The following GSG1 variants were observed in gnomAD, a reference collection of about 807,000 sequenced individuals.
GSG1 encodes the protein germ cell associated 1, also known as germ cell-specific gene 1 protein.
In GSG1, 28 loss-of-function variants were observed where a neutral mutation model predicts 30.8. That is an observed-to-expected ratio of 0.91 (90% CI 0.67 to 1.25). The LOEUF (loss-of-function observed/expected upper bound fraction) is 1.25. GSG1 is among the 50% of genes most tolerant of loss of function. The pLI, the probability that GSG1 is intolerant of heterozygous loss-of-function variation, is 0.00. For missense variants in GSG1, 435 were observed against 444.7 expected, an observed-to-expected ratio of 0.98 and a Z score of 0.20; for synonymous variants, 162 against 178.0, an observed-to-expected ratio of 0.91 and a Z score of 0.71.
chr12:13,095,505 A>G, intron 1 of GSG1: 1 of 1,178,258 alleles, frequency 8.5e-7, no homozygotes, highest in South Asian at 1.2e-5. Context: ...AGGAAGGACA[A>G]CAGATCGATG....
Position 13,084,834 on chromosome 12 carries a change from G to T in GSG1, c.*67C>A. On this transcript the variant is annotated 3_prime_UTR_variant, in exon 7 of 7. Transcript: ENST00000651961. ...GCTCAAGAGACGGATGTTGGCTTAA[G>T]CACATGTTGATAATCAGCAGACGTG... 1 of 1,047,308 alleles carries T rather than the reference G, an allele frequency of 9.5e-7. No homozygotes were observed. Among genetic ancestry groups the T allele is most frequent in the Non-Finnish European group, 1.4e-6 (1 of 720,218 alleles). The allele number at this position is 1,047,308 out of a possible 1,614,324, so 64.9% of individuals were successfully genotyped here.
chr12:13,099,122 C>A (rs893642163), intron 1 of GSG1, among the ~76,000 whole-genome samples: 2 of 152,152 alleles, frequency 1.3e-5, no homozygotes, highest in African/African-American at 4.8e-5. Flanking sequence ...GATTCCCCCT[C>A]CCCAAGGACC....
At chr12:13,103,387 G>GTATT in intron 1 of GSG1, 78 bp downstream of exon 1, 1 of 1,046,598 alleles carries the variant, frequency 9.6e-7, no homozygotes, top group Non-Finnish European at 1.5e-6. Context: ...TGATGAGTTA[G>GTATT]TGTAACCTGT....
At position 13,084,981 on chromosome 12, in the gene GSG1, G is replaced by C. The variant is rs1230595327; in HGVS notation, c.1009C>G (p.Arg337Gly). 6.4e-7 allele frequency: 1 copy of C among 1,552,324 alleles called. No homozygotes were observed. Among genetic ancestry groups the C allele is most frequent in the South Asian group, 1.2e-5 (1 of 84,162 alleles). The change falls in exon 7 of 7, where the codon CGG becomes GGG. Residue 337 changes from arginine to glycine, a missense_variant. Coordinates refer to ENST00000651961, the MANE Select transcript of GSG1 (RefSeq NM_001080555.4). ...SEGVDFYSEL[R>G]NKGFQRGASQ... ...GCCCCTCTTTGAAATCCCTTGTTCC[G>C]CAGCTCGGAGTAGAAGTCGACTCCC... is the stretch of plus-strand genomic sequence containing the variant.
intron 1 of GSG1, among the ~76,000 whole-genome samples, chr12:13,100,072 A>G (rs1393736663): frequency 1.3e-5 from 2 of 152,228 alleles, no homozygotes; most frequent in Admixed American, 1.3e-4. Context: ...GTTGCTTGAT[A>G]TAGTAGCAGC....
At chr12:13,090,428 C>T in intron 2 of GSG1, 75 bp downstream of exon 2, 1 of 1,423,906 alleles carries the variant, frequency 7.0e-7, no homozygotes, top group Non-Finnish European at 9.6e-7. Context: ...AGCGGGCCTA[C>T]CTGATTTCCA....
At chr12:13,087,391 C>T in intron 5 of GSG1, 128 bp from the exon 6 acceptor site, 1 of 641,826 alleles carries the variant, frequency 1.6e-6, no homozygotes, top group Non-Finnish European at 2.8e-6. Flanking sequence ...TTACCCTATG[C>T]CACCACATTT....
intron 1 of GSG1, among the ~76,000 whole-genome samples, chr12:13,096,124 C>G (rs1019099344): frequency 2.6e-5 from 4 of 152,110 alleles, no homozygotes; most frequent in African/African-American, 7.2e-5. Flanking sequence ...GAGCCATGAA[C>G]AGGAAATAGC....
Position 13,085,118 on chromosome 12 carries a change from A to G in GSG1, c.872T>C (p.Leu291Pro). The G allele has an allele frequency of 6.2e-7, 1 of 1,614,186 alleles. No homozygotes were observed. The highest frequency in any genetic ancestry group is 8.5e-7 in the Non-Finnish European group (1 of 1,180,032). Residue 291 changes from leucine to proline, a missense_variant, in exon 7 of 7, where the codon CTA becomes CCA. Coordinates refer to ENST00000651961, the MANE Select transcript of GSG1 (RefSeq NM_001080555.4). Reference sequence around the variant, plus strand: ...AGGGAAACACTGATGGTGATGTGGTAGGCAGTTCGGGTTTTCCTTGAAGCT... The same window carrying G: ...AGGGAAACACTGATGGTGATGTGGTGGGCAGTTCGGGTTTTCCTTGAAGCT... ...SKSFKENPNC[L>P]PHHHQCFPRR... is the part of the protein sequence containing the mutation.
At chr12:13,095,242 G>A (rs1866562471) in intron 1 of GSG1, among the ~76,000 whole-genome samples, 1 of 152,126 alleles carries the variant, frequency 6.6e-6, no homozygotes. Context: ...TCTTGAATTG[G>A]AAGAACAAAT....
chr12:13,099,750 G>GTTTTGTTTTTTTTT (rs1863022060), intron 1 of GSG1, among the ~76,000 whole-genome samples: 1 of 114,824 alleles, frequency 8.7e-6, no homozygotes, highest in Non-Finnish European at 1.8e-5. Context: ...GTTTTTTTTT[G>GTTTTGTTTTTTTTT]TTTTTTTTTT....
rs1565551322 is a variant in GSG1 at position 13,099,760 on chromosome 12, T to TG, written c.48+3704_48+3705insC. The stretch of plus-strand genomic sequence containing the variant: ...CCGGTGTTTTTTTTTGTTTTTTTTT[T>TG]TTTTTTTTGTTTTTTCTTCATGTCA... On this transcript the variant is annotated intron_variant, in intron 1 of 6. Transcript: ENST00000651961. Among the ~76,000 whole-genome samples, 24 of 110,352 alleles carry TG rather than the reference T, an allele frequency of 2.2e-4. No individual in the cohort carries two copies. In the South Asian group the frequency reaches 3.9e-3, roughly 18 times the overall value. The allele number at this position is 110,352 out of a possible 152,430, so 72.4% of individuals were successfully genotyped here. A position where few individuals can be genotyped will look rare whatever the true frequency, so the allele number is the denominator to read the frequency against.
chr12:13,087,096 A>G (rs1865604748), intron 6 of GSG1, 56 bp downstream of exon 6: 2 of 1,228,640 alleles, frequency 1.6e-6, no homozygotes, highest in Non-Finnish European at 2.4e-6. Flanking sequence ...CTGAGGGCAG[A>G]AAATCTCGTG....
At chr12:13,100,477 T>C (rs893306712) in intron 1 of GSG1, among the ~76,000 whole-genome samples, 1 of 152,192 alleles carries the variant, frequency 6.6e-6, no homozygotes, top group African/African-American at 2.4e-5. Context: ...CATGAAATAG[T>C]ATATTATCTT....
At chr12:13,098,456 ATTTTTTTTTTTTTTTTTTTTTTTTTT>A (rs771887535) in intron 1 of GSG1, among the ~76,000 whole-genome samples, 5 of 47,384 alleles carry the variant, frequency 1.1e-4, no homozygotes, top group Non-Finnish European at 1.9e-4. Flanking sequence ...CATGTAGCCC[ATTTTTTTTTTTTTTTTTTTTTTTTTT>A]TTTTTTTTTT....
At chr12:13,092,870 C>T (rs1176337779) in intron 1 of GSG1, among the ~76,000 whole-genome samples, 1 of 151,652 alleles carries the variant, frequency 6.6e-6, no homozygotes, top group African/African-American at 2.4e-5. Context: ...CGGCTCACTG[C>T]AACCTCCAGT....
At chr12:13,100,287 C>T (rs1439204250) in intron 1 of GSG1, among the ~76,000 whole-genome samples, 2 of 152,166 alleles carry the variant, frequency 1.3e-5, no homozygotes, top group Admixed American at 6.5e-5. Flanking sequence ...TCTGGATTCA[C>T]GTATGTAAGA....
chr12:13,092,734 T>C (rs1252089473), intron 1 of GSG1, among the ~76,000 whole-genome samples: 1 of 152,204 alleles, frequency 6.6e-6, no homozygotes, highest in Non-Finnish European at 1.5e-5. Flanking sequence ...ATTGAGGGTG[T>C]TCTGAATAAG....
chr12:13,091,634 G>A (rs901420506), intron 1 of GSG1, among the ~76,000 whole-genome samples: 7 of 152,236 alleles, frequency 4.6e-5, no homozygotes, highest in African/African-American at 1.7e-4. Flanking sequence ...AGCCCAGGAG[G>A]TTGAGGCTGC....
Sources: gnomAD v4.1 joint callset for allele counts (sites outside exome capture counted in the v4.1 genomes callset) on GRCh38, gnomAD v4.1.1 for gene constraint, MANE v1.5 for transcripts, NCBI Gene and HGNC (gene_info 2026-07-23, HGNC 2026-07-21) for gene names.